The following ZBED3 variants were observed in gnomAD, a reference collection of about 807,000 sequenced individuals.
ZBED3 encodes the protein zinc finger BED domain-containing protein 3.
For synonymous variants in ZBED3, 175 were observed against 180.0 expected, an observed-to-expected ratio of 0.97 and a Z score of 0.22; for missense variants, 388 against 362.9, an observed-to-expected ratio of 1.07 and a Z score of -0.56.
In ZBED3 at chr5:77,075,982, T is replaced by C. The variant is rs1449803105; in HGVS notation, c.*1192A>G. The C allele has an allele frequency of 0.024, 704 of 29,540 alleles. 176 individuals carry two copies. Among genetic ancestry groups the C allele is most frequent in the Non-Finnish European group, 0.036 (536 of 14,836 alleles). The allele number at this position is 29,540 out of a possible 1,614,324, so 1.8% of individuals were successfully genotyped here. On this transcript the variant is annotated 3_prime_UTR_variant, in exon 3 of 3. Coordinates refer to ENST00000255198, the MANE Select transcript of ZBED3 (RefSeq NM_032367.4). ...ATATATATATGTATATGTATATATG[T>C]ATATATATATGTATATATGTATATA...
rs1373898812 is a variant in ZBED3, at chr5:77,077,203, C to T, written c.676G>A (p.Gly226Ser). 1.3e-6 allele frequency: 2 copies of T among 1,502,318 alleles called. No individual in the cohort carries two copies. Among genetic ancestry groups the T allele is most frequent in the East Asian group, 5.5e-5 (2 of 36,106 alleles). 93.1% of individuals were successfully genotyped at this position (1,502,318 alleles called of 1,614,324 possible). Residue 226 changes from glycine to serine, a missense_variant, in exon 3 of 3, where the codon GGC (glycine) becomes AGC (serine). Coordinates refer to ENST00000255198, the MANE Select transcript of ZBED3 (RefSeq NM_032367.4). The part of the protein sequence containing the change: ...LKDDPEGDRD[G>S]CVITKVLL ...AGGAGGACCTTTGTGATGACGCAGC[C>T]GTCCCTGTCACCCTCGGGGTCGTCC...
chr5:77,084,461 T>TCGCCTTC (rs542289816), intron 1 of ZBED3, among the ~76,000 whole-genome samples: 8 of 152,194 alleles, frequency 5.3e-5, no homozygotes, highest in African/African-American at 1.7e-4. Flanking sequence ...GAAGTGCCTT[T>TCGCCTTC]CGCCTTCCGC....
Position 77,077,385 on chromosome 5 carries a change from TCCAGGGCGCGCTCGCCCTGCTCCACGG to T in ZBED3, c.467_493del (p.Ala156_Leu164del), listed in dbSNP as rs1743037037. 8.0e-7 allele frequency: 1 copy of T among 1,252,594 alleles called. No homozygotes were observed. Among genetic ancestry groups the T allele is most frequent in the Non-Finnish European group, 1.0e-6 (1 of 999,584 alleles). 77.6% of individuals were successfully genotyped at this position (1,252,594 alleles called of 1,614,324 possible). A position where few individuals can be genotyped will look rare whatever the true frequency, so the allele number is the denominator to read the frequency against. On this transcript the variant is annotated inframe_deletion, in exon 3 of 3. Coordinates refer to ENST00000255198, the MANE Select transcript of ZBED3 (RefSeq NM_032367.4). The stretch of plus-strand genomic sequence containing the variant: ...CTCCTGCAGCGCCCTCCGCCTCCGC[TCCAGGGCGCGCTCGCCCTGCTCCACGG>T]CCAGCTCGCGCCGCTCCAGCTCCCG...
chr5:77,078,807 C>G (rs933641042), intron 1 of ZBED3, 79 bp from the exon 2 acceptor site: 1 of 152,222 alleles, frequency 6.6e-6, no homozygotes, highest in Non-Finnish European at 1.5e-5. Flanking sequence ...ACTAGAAATA[C>G]TGAGCAGCGC....
In ZBED3 at chr5:77,077,912, G is replaced by A; in HGVS notation, c.-17-17C>T. The stretch of plus-strand genomic sequence containing the variant: ...GCCCGCACGCTGGGGAGCAGGGGAA[G>A]AATAATAATGAGTGTTAGGATCACG... On this transcript the variant is annotated splice_polypyrimidine_tract_variant and intron_variant, in intron 2 of 2. Transcript: ENST00000255198. 1 of 1,245,156 alleles carries A rather than the reference G, an allele frequency of 8.0e-7. No individual in the cohort carries two copies. Among genetic ancestry groups the A allele is most frequent in the South Asian group, 3.4e-5 (1 of 29,314 alleles). 77.1% of individuals were successfully genotyped at this position (1,245,156 alleles called of 1,614,324 possible).
chr5:77,080,469 G>A (rs369738806), intron 1 of ZBED3: 1 of 513,096 alleles, frequency 1.9e-6, no homozygotes, highest in Non-Finnish European at 3.9e-6. Context: ...CCCTCCAAGG[G>A]TGGCAAGGGG....
Position 77,077,113 on chromosome 5 carries a change from T to A in ZBED3, c.*61A>T. ...GGTTACGGCTTCGGTCCCAGCGGGG[T>A]CTGAAGGCATTGGCATTGGACGGAG... is the stretch of plus-strand genomic sequence containing the variant. On this transcript the variant is annotated 3_prime_UTR_variant, in exon 3 of 3. Transcript: ENST00000255198. 2 of 1,231,992 alleles carry A rather than the reference T, an allele frequency of 1.6e-6. No homozygotes were observed. The highest frequency in any genetic ancestry group is 2.1e-6 in the Non-Finnish European group (2 of 964,052). The allele number at this position is 1,231,992 out of a possible 1,614,324, so 76.3% of individuals were successfully genotyped here. A position where few individuals can be genotyped will look rare whatever the true frequency, so the allele number is the denominator to read the frequency against.
intron 1 of ZBED3, among the ~76,000 whole-genome samples, chr5:77,083,846 T>C (rs1250420394): frequency 6.6e-6 from 1 of 152,204 alleles, no homozygotes; most frequent in African/African-American, 2.4e-5. Flanking sequence ...AAATAGGTTA[T>C]TTATCACTAG....
intron 1 of ZBED3, among the ~76,000 whole-genome samples, chr5:77,082,395 A>G (rs1050131215): frequency 6.6e-6 from 1 of 152,220 alleles, no homozygotes; most frequent in Non-Finnish European, 1.5e-5. Context: ...TCTACATCAG[A>G]ATCATGTAGA....
intron 1 of ZBED3, among the ~76,000 whole-genome samples, chr5:77,083,030 G>C (rs945541176): frequency 2.0e-5 from 3 of 152,104 alleles, no homozygotes; most frequent in Non-Finnish European, 4.4e-5. Context: ...CCAGCTACTC[G>C]GGAGGCTGAG....
chr5:77,077,887 GC>G lies in ZBED3; in HGVS notation c.-10del, dbSNP rs1743058593. 1.6e-6 allele frequency: 2 copies of G among 1,251,974 alleles called. No homozygotes were observed. Among genetic ancestry groups the G allele is most frequent in the Middle Eastern group, 3.1e-4 (1 of 3,270 alleles). 77.6% of individuals were successfully genotyped at this position (1,251,974 alleles called of 1,614,324 possible). A position where few individuals can be genotyped will look rare whatever the true frequency, so the allele number is the denominator to read the frequency against. On this transcript the variant is annotated 5_prime_UTR_variant, in exon 3 of 3. Coordinates refer to ENST00000255198, the MANE Select transcript of ZBED3 (RefSeq NM_032367.4). ...GGCTCGCCACTCCTCATTCTGCGGC[GC>G]CCGCACGCTGGGGAGCAGGGGAAGA...
chr5:77,082,136 G>A (rs984720572), intron 1 of ZBED3, among the ~76,000 whole-genome samples: 7 of 151,932 alleles, frequency 4.6e-5, no homozygotes, highest in Non-Finnish European at 8.8e-5. Context: ...GCATGGTGGC[G>A]GGTGCCTATA....
Position 77,075,002 on chromosome 5 carries a change from T to C in ZBED3, c.*2172A>G, listed in dbSNP as rs1529460. ...TAGTTATCAGGTGAGGGGTGGGATGTGGGGTTGAGTAGATTTGCCTCGTCC... is the reference window on the plus strand; with the variant it reads ...TAGTTATCAGGTGAGGGGTGGGATGCGGGGTTGAGTAGATTTGCCTCGTCC... On this transcript the variant is annotated 3_prime_UTR_variant, in exon 3 of 3. Coordinates refer to ENST00000255198, the MANE Select transcript of ZBED3 (RefSeq NM_032367.4). The C allele has an allele frequency of 0.25, 38,267 of 152,040 alleles. 5,015 individuals are homozygous for C. Among genetic ancestry groups the C allele is most frequent in the Non-Finnish European group, 0.29 (19,527 of 67,950 alleles). 9.4% of individuals were successfully genotyped at this position (152,040 alleles called of 1,614,324 possible). A position where few individuals can be genotyped will look rare whatever the true frequency, so the allele number is the denominator to read the frequency against.
Position 77,072,861 on chromosome 5 carries a change from A to C in ZBED3, c.*4313T>G, listed in dbSNP as rs1742910493. 2 of 152,176 alleles carry C rather than the reference A, an allele frequency of 1.3e-5. No homozygotes were observed. The highest frequency in any genetic ancestry group is 1.3e-4 in the Admixed American group (2 of 15,276). 9.4% of individuals were successfully genotyped at this position (152,176 alleles called of 1,614,324 possible). ...CCAAAGAGACTGAAATGCATTAAGT[A>C]GGCTGGAGTCAGATGACGCGCCACA... On this transcript the variant is annotated 3_prime_UTR_variant, in exon 3 of 3. Coordinates refer to ENST00000255198, the MANE Select transcript of ZBED3 (RefSeq NM_032367.4).
At chr5:77,084,628 C>A (rs1743200814) in intron 1 of ZBED3, among the ~76,000 whole-genome samples, 1 of 152,158 alleles carries the variant, frequency 6.6e-6, no homozygotes, top group Non-Finnish European at 1.5e-5. Context: ...AGTGCTCACT[C>A]CTTCGGGTGA....
chr5:77,085,710 A>G (rs1422266787), intron 1 of ZBED3, among the ~76,000 whole-genome samples: 1 of 152,264 alleles, frequency 6.6e-6, no homozygotes, highest in Non-Finnish European at 1.5e-5. Context: ...TTCATCTGTT[A>G]TCCGTCCATC....
rs1362947437 is a variant in ZBED3 at position 77,077,584 on chromosome 5, G to A, written c.295C>T (p.Arg99Trp). Residue 99 changes from arginine (R) to tryptophan (W), a missense_variant, in exon 3 of 3, where the codon CGG becomes TGG. Physicochemically the swap from Arg to Trp is moderately radical, Grantham distance 101. Coordinates refer to ENST00000255198, the MANE Select transcript of ZBED3 (RefSeq NM_032367.4). ...LWRHLRSAHR[R>W]ELESSGAGSS... ...CCGGCGCCGCTGCTCTCCAGCTCCCGCCGGTGCGCGCTCCTCAGGTGCCTC... is the reference window on the plus strand; with the variant it reads ...CCGGCGCCGCTGCTCTCCAGCTCCCACCGGTGCGCGCTCCTCAGGTGCCTC... 2 of 1,335,238 alleles carry A rather than the reference G, an allele frequency of 1.5e-6. No individual in the cohort carries two copies. The highest frequency in any genetic ancestry group is 1.9e-6 in the Non-Finnish European group (2 of 1,042,132). 82.7% of individuals were successfully genotyped at this position (1,335,238 alleles called of 1,614,324 possible). A position where few individuals can be genotyped will look rare whatever the true frequency, so the allele number is the denominator to read the frequency against.
At chr5:77,078,549 C>G (rs1465051093) in intron 2 of ZBED3, 45 bp downstream of exon 2, 1 of 152,216 alleles carries the variant, frequency 6.6e-6, no homozygotes, top group Non-Finnish European at 1.5e-5. Context: ...AAGATATGCA[C>G]ATTTAGGAAA....
Position 77,077,488 on chromosome 5 carries a change from G to A in ZBED3, c.391C>T (p.Arg131Cys). The A allele has an allele frequency of 8.4e-7, 1 of 1,187,978 alleles. No individual in the cohort carries two copies. The highest frequency in any genetic ancestry group is 1.0e-6 in the Non-Finnish European group (1 of 963,012). The allele number at this position is 1,187,978 out of a possible 1,614,324, so 73.6% of individuals were successfully genotyped here. A position where few individuals can be genotyped will look rare whatever the true frequency, so the allele number is the denominator to read the frequency against. ...PAAAPEGDWA[R>C]LLEQMGALAV... The stretch of plus-strand genomic sequence containing the variant: ...AGCGCGCCCATCTGTTCCAGCAGGC[G>A]CGCCCAGTCGCCCTCGGGGGCCGCA... The change falls in exon 3 of 3, where the codon CGC (arginine) becomes TGC (cysteine). Residue 131 changes from arginine (R) to cysteine (C), a missense_variant. Coordinates refer to ENST00000255198, the MANE Select transcript of ZBED3 (RefSeq NM_032367.4).
Sources: gnomAD v4.1 joint callset for allele counts (sites outside exome capture counted in the v4.1 genomes callset) on GRCh38, gnomAD v4.1.1 for gene constraint, MANE v1.5 for transcripts, NCBI Gene and HGNC (gene_info 2026-07-23, HGNC 2026-07-21) for gene names.